NAXD: variants seen among roughly 807,000 people sequenced by gnomAD.
NAXD encodes NAD(P)HX dehydratase.
In NAXD, 22 loss-of-function variants were observed where a neutral mutation model predicts 35.8. That is an observed-to-expected ratio of 0.62 (90% CI 0.44 to 0.88). The LOEUF (loss-of-function observed/expected upper bound fraction) is 0.88. NAXD is among the 40% of genes least tolerant of loss of function. The pLI, the probability that NAXD is intolerant of heterozygous loss-of-function variation, is 0.00. For synonymous variants in NAXD, 189 were observed against 177.6 expected (o/e 1.06, Z -0.51); for missense variants, 428 against 437.7 (o/e 0.98, Z 0.20).
intron 5 of NAXD, among the ~76,000 whole-genome samples, chr13:110,630,721 G>A (rs890547903): frequency 2.0e-5 from 3 of 152,190 alleles, no homozygotes; most frequent in Admixed American, 2.0e-4. Context: ...TCCAGCGTCA[G>A]TCTTTTGCTT....
chr13:110,616,093 T>G (rs1886041743), intron 1 of NAXD: 2 of 330,610 alleles, frequency 6.0e-6, no homozygotes, highest in East Asian at 9.6e-5. Flanking sequence ...GGTGCGCTGG[T>G]CGGATCCGTC....
At position 110,638,531 on chromosome 13, in the gene NAXD, C is replaced by T; in HGVS notation, c.*3C>T. 6.2e-7 allele frequency: 1 copy of T among 1,611,614 alleles called. No homozygotes were observed. Among genetic ancestry groups the T allele is most frequent in the Non-Finnish European group, 8.5e-7 (1 of 1,179,012 alleles). On this transcript the variant is annotated 3_prime_UTR_variant, in exon 10 of 10. Transcript: ENST00000680254. This position sits in a 1 kb window ranked among gnomAD's most constrained non-coding sequence, Gnocchi z 5.4. Reference sequence around the variant, plus strand: ...TCAGCAAGCTCTTTGAAACCTGAGCCCGCGCAGACCAGAAGTAAACAGGCA... The same window carrying T: ...TCAGCAAGCTCTTTGAAACCTGAGCTCGCGCAGACCAGAAGTAAACAGGCA...
At chr13:110,622,574 G>C (rs1460626665) in intron 2 of NAXD, among the ~76,000 whole-genome samples, 2 of 152,194 alleles carry the variant, frequency 1.3e-5, no homozygotes, top group Non-Finnish European at 2.9e-5. Context: ...CCTCATGTGT[G>C]TCAGTGTTAA....
chr13:110,630,591 A>T (rs939907642), intron 5 of NAXD, among the ~76,000 whole-genome samples: 2 of 152,154 alleles, frequency 1.3e-5, no homozygotes, highest in African/African-American at 4.8e-5. Context: ...TTGGTGTCTT[A>T]TCTCAGAAGC....
chr13:110,634,267 A>C (rs1055322162), intron 5 of NAXD, among the ~76,000 whole-genome samples: 5 of 152,186 alleles, frequency 3.3e-5, no homozygotes, highest in African/African-American at 9.7e-5. Flanking sequence ...TGGGTAATTG[A>C]TAATGAACAG....
Position 110,635,444 on chromosome 13 carries a change from CTCTG to C in NAXD, c.598-20_598-17del. The C allele has an allele frequency of 6.2e-7, 1 of 1,607,940 alleles. No homozygotes were observed. Among genetic ancestry groups the C allele is most frequent in the Non-Finnish European group, 8.5e-7 (1 of 1,175,342 alleles). ...GTGTCTGAGGAAGACTTTGCTTTTT[CTCTG>C]TCTTCCTGTGTTGTCATAGCTCAGA... On this transcript the variant is annotated intron_variant, in intron 7 of 9. Transcript: ENST00000680254.
chr13:110,619,724 C>T (rs936265613), intron 1 of NAXD, among the ~76,000 whole-genome samples: 13 of 152,042 alleles, frequency 8.6e-5, no homozygotes, highest in East Asian at 1.9e-4. Flanking sequence ...GGGTAGAAGC[C>T]GGGGATGCTG....
chr13:110,636,280 A>G (rs956355668), intron 8 of NAXD, among the ~76,000 whole-genome samples: 3 of 152,258 alleles, frequency 2.0e-5, no homozygotes, highest in African/African-American at 7.2e-5. Context: ...CTAGGTACCA[A>G]AATCAGGGTA....
Position 110,615,802 on chromosome 13 carries a change from G to T in NAXD, c.46+155G>T, listed in dbSNP as rs756751423. The T allele has an allele frequency of 5.4e-5, 70 of 1,306,988 alleles. No individual in the cohort carries two copies. The Middle Eastern group carries it at 3.6e-3, about 67-fold the overall frequency. The allele number at this position is 1,306,988 out of a possible 1,614,324, so 81.0% of individuals were successfully genotyped here. ...ACCCGACCGCTGACCGCCTCTGCTG[G>T]CTCGCGGGGGGGAAGCGCCGCCGAG... On this transcript the variant is annotated intron_variant, in intron 1 of 9. Transcript: ENST00000680254.
chr13:110,638,545 A>G lies in NAXD; in HGVS notation c.*17A>G. On this transcript the variant is annotated 3_prime_UTR_variant, in exon 10 of 10. Transcript: ENST00000680254. This position sits in a 1 kb window ranked among gnomAD's most constrained non-coding sequence, Gnocchi z 5.4. Reference sequence around the variant, plus strand: ...GAAACCTGAGCCCGCGCAGACCAGAAGTAAACAGGCACCTTGGACGGGGGA... The same window carrying G: ...GAAACCTGAGCCCGCGCAGACCAGAGGTAAACAGGCACCTTGGACGGGGGA... The G allele has an allele frequency of 6.2e-7, 1 of 1,611,242 alleles. No individual in the cohort carries two copies. Among genetic ancestry groups the G allele is most frequent in the Non-Finnish European group, 8.5e-7 (1 of 1,178,726 alleles).
At chr13:110,634,850 G>A in intron 7 of NAXD, 74 bp downstream of exon 7, 1 of 1,131,738 alleles carries the variant, frequency 8.8e-7, no homozygotes, top group Non-Finnish European at 1.3e-6. Context: ...CGAGCTCCAT[G>A]CTTCTGCCCA....
rs1472639920 is a variant in NAXD, at chr13:110,638,377, G to A, written c.840-1G>A. 7 of 1,613,870 alleles carry A rather than the reference G, an allele frequency of 4.3e-6. No individual in the cohort carries two copies. The highest frequency in any genetic ancestry group is 2.2e-5 in the East Asian group (1 of 44,878). Reference sequence around the variant, plus strand: ...ACCTCCTGCTGTCCCCCTCTCCGCAGGTCCAGCCCTCTCCTGGTGGCCGCG... The same window carrying A: ...ACCTCCTGCTGTCCCCCTCTCCGCAAGTCCAGCCCTCTCCTGGTGGCCGCG... On this transcript the variant is annotated splice_acceptor_variant, in intron 9 of 9. Coordinates refer to ENST00000680254, the MANE Select transcript of NAXD (RefSeq NM_001242882.2). LOFTEE classifies it high-confidence loss of function. The surrounding 1 kb of genome is among the most constrained non-coding windows in gnomAD (Gnocchi z 5.4).
At chr13:110,634,374 T>C (rs1886836855) in intron 5 of NAXD, among the ~76,000 whole-genome samples, 171 bp from the exon 6 acceptor site, 1 of 152,174 alleles carries the variant, frequency 6.6e-6, no homozygotes, top group Admixed American at 6.5e-5. Flanking sequence ...CTTATGCCTC[T>C]TTTAAAGGTC....
At chr13:110,633,706 A>C (rs1350908570) in intron 5 of NAXD, among the ~76,000 whole-genome samples, 1 of 112,476 alleles carries the variant, frequency 8.9e-6, no homozygotes, top group Non-Finnish European at 1.9e-5. Flanking sequence ...ATTGGCTCAT[A>C]ATAATAAAAA....
intron 2 of NAXD, 66 bp from the exon 3 acceptor site, chr13:110,624,168 A>G (rs1886372454): frequency 1.1e-6 from 1 of 881,552 alleles, no homozygotes; most frequent in Non-Finnish European, 1.9e-6. Context: ...TTGATAACCT[A>G]TTTATTGATC....
intron 5 of NAXD, among the ~76,000 whole-genome samples, chr13:110,633,685 TG>T (rs1886808369): frequency 6.7e-6 from 1 of 148,250 alleles, no homozygotes; most frequent in African/African-American, 2.5e-5. Context: ...TGTATAATCT[TG>T]TCACAATGTA....
chr13:110,615,920 G>A, intron 1 of NAXD: 1 of 622,548 alleles, frequency 1.6e-6, no homozygotes, highest in Non-Finnish European at 2.3e-6. Context: ...GGCGACGGCT[G>A]GGCGCGGCTT....
chr13:110,638,373 C>T lies in NAXD; in HGVS notation c.840-5C>T, dbSNP rs759986192. The T allele has an allele frequency of 2.4e-5, 39 of 1,613,756 alleles. No individual in the cohort carries two copies. Among genetic ancestry groups the T allele is most frequent in the East Asian group, 4.5e-5 (2 of 44,888 alleles). On this transcript the variant is annotated splice_polypyrimidine_tract_variant and splice_region_variant and intron_variant, in intron 9 of 9. Coordinates refer to ENST00000680254, the MANE Select transcript of NAXD (RefSeq NM_001242882.2). The surrounding 1 kb of genome is among the most constrained non-coding windows in gnomAD (Gnocchi z 5.4). The stretch of plus-strand genomic sequence containing the variant: ...CCACACCTCCTGCTGTCCCCCTCTC[C>T]GCAGGTCCAGCCCTCTCCTGGTGGC...
At chr13:110,622,163 T>A (rs1387493699) in intron 1 of NAXD, 53 bp from the exon 2 acceptor site, 1 of 1,500,816 alleles carries the variant, frequency 6.7e-7, no homozygotes, top group Non-Finnish European at 9.1e-7. Context: ...CTATTATGTG[T>A]ACTAACAATA....
Sources: gnomAD v4.1 joint callset for allele counts (sites outside exome capture counted in the v4.1 genomes callset) on GRCh38, gnomAD v4.1.1 for gene constraint, Gnocchi (gnomAD v3.1) non-coding constraint, MANE v1.5 for transcripts, NCBI Gene and HGNC (gene_info 2026-07-23, HGNC 2026-07-21) for gene names.